NUP210L: variants seen among roughly 807,000 people sequenced by gnomAD.
NUP210L encodes nuclear pore membrane glycoprotein 210-like.
In NUP210L, 74 loss-of-function variants were observed where a neutral mutation model predicts 208.5. The observed-to-expected ratio is 0.35, with a 90% CI of 0.29 to 0.43. NUP210L has a LOEUF of 0.43. NUP210L is among the 20% of genes least tolerant of loss of function. The probability of loss-of-function intolerance (pLI) is 1.00; values close to 1 mark genes in which losing one functional copy is unlikely to be tolerated. For synonymous variants in NUP210L, 780 were observed against 816.9 expected (o/e 0.95, Z 0.77); for missense variants, 1,843 against 2,289.4 (o/e 0.81, Z 3.98).
At chr1:154,154,115 G>A (rs1659561694) in intron 1 of NUP210L, among the ~76,000 whole-genome samples, 1 of 151,846 alleles carries the variant, frequency 6.6e-6, no homozygotes, top group African/African-American at 2.4e-5. Context: ...TGTACCCCCT[G>A]TCCTCACACT....
At chr1:153,997,533 T>A (rs1373282663) in intron 37 of NUP210L, among the ~76,000 whole-genome samples, 1 of 149,558 alleles carries the variant, frequency 6.7e-6, no homozygotes, top group African/African-American at 2.5e-5. Flanking sequence ...AGTGGTGAGA[T>A]CTCAGCTCAC....
At chr1:154,127,562 T>A (rs1259311787) in intron 8 of NUP210L, 145 bp from the exon 9 acceptor site, 2 of 453,514 alleles carry the variant, frequency 4.4e-6, no homozygotes, top group Middle Eastern at 6.2e-4. Flanking sequence ...TCTTTTTTTT[T>A]TTTTTTTTTT....
intron 16 of NUP210L, among the ~76,000 whole-genome samples, chr1:154,078,594 C>CAA (rs1168583884): frequency 1.9e-4 from 19 of 97,488 alleles, no homozygotes; most frequent in South Asian, 3.3e-4. Flanking sequence ...GAATCTGTCT[C>CAA]AAAAAAAAAA....
At chr1:154,080,488 C>T (rs1450598635) in intron 16 of NUP210L, among the ~76,000 whole-genome samples, 1 of 151,744 alleles carries the variant, frequency 6.6e-6, no homozygotes, top group Non-Finnish European at 1.5e-5. Flanking sequence ...TTGAGACCAG[C>T]CTGACCAATA....
rs547080522 is a variant in NUP210L, at chr1:154,135,243, GTTTT to G, written c.1009+567_1009+570del. Among the ~76,000 whole-genome samples the G allele has an allele frequency of 1.6e-3, 250 of 152,094 alleles. 1 individual carries two copies. Among genetic ancestry groups the G allele is most frequent in the African/African-American group, 5.4e-3 (224 of 41,492 alleles). Reference sequence around the variant, plus strand: ...CGTTTTCCCCATTCCCCTAATTACAGTTTTTTTATTTCCCTAATTACAATTTGAT... The same window carrying G: ...CGTTTTCCCCATTCCCCTAATTACAGTTTATTTCCCTAATTACAATTTGAT... On this transcript the variant is annotated intron_variant, in intron 7 of 39. Transcript: ENST00000368559.
exon 16 of NUP210L, chr1:154,089,534 C>A (rs267598052): frequency 6.2e-7 from 1 of 1,614,108 alleles, no homozygotes; most frequent in Non-Finnish European, 8.5e-7. Flanking sequence ...ACCTGCAAAA[C>A]CTCTACAGCT....
chr1:154,054,970 A>AG, intron 23 of NUP210L, 138 bp from the exon 24 acceptor site: 1 of 639,914 alleles, frequency 1.6e-6, no homozygotes, highest in Non-Finnish European at 2.8e-6. Context: ...GCACGATCAC[A>AG]GCTCACTGCA....
At chr1:154,117,803 C>T (rs1657408429) in exon 12 of NUP210L, 5 of 1,611,474 alleles carry the variant, frequency 3.1e-6, no homozygotes, top group Non-Finnish European at 4.2e-6. Context: ...GACCTGCAGT[C>T]ACCACTCCTT....
intron 38 of NUP210L, among the ~76,000 whole-genome samples, chr1:153,994,782 G>T (rs959408795): frequency 4.0e-5 from 6 of 151,596 alleles, no homozygotes; most frequent in Non-Finnish European, 8.8e-5. Flanking sequence ...GGGAGGCCGA[G>T]GCGGGTGGAT....
chr1:154,142,262 T>A (rs972626487), intron 3 of NUP210L, among the ~76,000 whole-genome samples: 1 of 152,064 alleles, frequency 6.6e-6, no homozygotes, highest in Non-Finnish European at 1.5e-5. Flanking sequence ...AATTTTTTTT[T>A]AATTAACCAT....
At chr1:153,993,608 TTG>T (rs1376169791) in intron 38 of NUP210L, among the ~76,000 whole-genome samples, 34 of 148,870 alleles carry the variant, frequency 2.3e-4, no homozygotes, top group Admixed American at 4.0e-4. Flanking sequence ...GACAATAGTG[TTG>T]TGTTAATTTT....
At chr1:154,023,058 T>C (rs1651656152) in intron 31 of NUP210L, 64 bp downstream of exon 31, 8 of 1,413,466 alleles carry the variant, frequency 5.7e-6, no homozygotes, top group Non-Finnish European at 7.9e-6. Context: ...AGCTGCTATA[T>C]AATACTAGCC....
chr1:154,053,475 A>C (rs2147983526), intron 25 of NUP210L, among the ~76,000 whole-genome samples: 1 of 152,344 alleles, frequency 6.6e-6, no homozygotes, highest in East Asian at 1.9e-4. Flanking sequence ...AATGGCCATA[A>C]ACAAAATCTC....
At chr1:154,056,409 T>C (rs145955302) in intron 23 of NUP210L, among the ~76,000 whole-genome samples, 23 of 152,244 alleles carry the variant, frequency 1.5e-4, no homozygotes, top group Admixed American at 1.5e-3. Flanking sequence ...CATCCTTTTT[T>C]TCAGTCAAAT....
intron 16 of NUP210L, among the ~76,000 whole-genome samples, chr1:154,087,433 A>T (rs934804784): frequency 2.6e-5 from 4 of 152,178 alleles, no homozygotes; most frequent in Non-Finnish European, 5.9e-5. Context: ...AAAATGACAA[A>T]TAATAGTAAT....
chr1:154,023,285 T>C, exon 31 of NUP210L: 9 of 1,608,820 alleles, frequency 5.6e-6, no homozygotes, highest in African/African-American at 1.3e-5. Context: ...CGCAGGTATG[T>C]CACCGGTGCT....
intron 6 of NUP210L, among the ~76,000 whole-genome samples, chr1:154,137,637 C>T (rs2148136872): frequency 6.6e-6 from 1 of 151,820 alleles, no homozygotes; most frequent in Middle Eastern, 3.4e-3. Flanking sequence ...ATCACTTGAG[C>T]ACAGGAGTTC....
chr1:154,097,099 A>G (rs1656218094), intron 14 of NUP210L, among the ~76,000 whole-genome samples: 1 of 152,168 alleles, frequency 6.6e-6, no homozygotes. Context: ...TTTTGACAGA[A>G]GAAATGAATG....
At chr1:154,152,477 A>ATTT (rs11458686) in intron 2 of NUP210L, among the ~76,000 whole-genome samples, 9 of 139,352 alleles carry the variant, frequency 6.5e-5, no homozygotes, top group South Asian at 4.5e-4. Flanking sequence ...CCCAGCCATA[A>ATTT]TTTTTTTTTT....
Sources: allele counts gnomAD v4.1 joint callset (sites outside exome capture counted in the v4.1 genomes callset), GRCh38; gene constraint gnomAD v4.1.1; transcripts MANE v1.5; gene names NCBI Gene and HGNC (gene_info 2026-07-23, HGNC 2026-07-21).